The following CELF2 variants were observed in gnomAD, a reference collection of about 807,000 sequenced individuals.
The protein encoded by CELF2 is CUGBP Elav-like family member 2, also known as CUG triplet repeat RNA-binding protein 2.
In CELF2, 8 loss-of-function variants were observed where a neutral mutation model predicts 62.6. The observed-to-expected ratio is 0.13, with a 90% CI of 0.07 to 0.23. CELF2 has a LOEUF of 0.23. Ranked by LOEUF, CELF2 falls within the 10% of genes least tolerant of loss-of-function variation. CELF2 has a pLI of 1.00. For missense variants in CELF2, 333 were observed against 671.0 expected (o/e 0.50, Z 5.56); for synonymous variants, 258 against 250.0 (o/e 1.03, Z -0.30).
the CELF2 span, among the ~76,000 whole-genome samples, chr10:10,662,129 G>A: frequency 3.3e-5 from 5 of 152,228 alleles, no homozygotes; most frequent in African/African-American, 7.2e-5. Context: ...GGGAGCACCC[G>A]CCTGGTAAAA....
intron 2 of CELF2, chr10:10,925,136 CAT>C (rs1365592580): frequency 1.3e-5 from 2 of 152,168 alleles, no homozygotes; most frequent in Non-Finnish European, 1.5e-5. Context: ...TGATAGGAAA[CAT>C]AACCTCCTAT....
intron 1 of CELF2, among the ~76,000 whole-genome samples, chr10:10,817,077 G>A (rs1006943910): frequency 2.2e-4 from 33 of 152,172 alleles, no homozygotes; most frequent in Admixed American, 1.8e-3. Flanking sequence ...GGCAGTGGAC[G>A]GTGGGAGAGT....
the CELF2 span, among the ~76,000 whole-genome samples, chr10:10,734,416 T>A: frequency 2.0e-5 from 3 of 152,216 alleles, no homozygotes; most frequent in African/African-American, 7.2e-5. Context: ...TCCATACACA[T>A]CTGGTGCTGG....
At position 11,257,862 on chromosome 10, in the gene CELF2, G is replaced by C; in HGVS notation, c.528G>C (p.Gly176=). ...GCCGGATCCTCCGGGGACCTGATGG[G>C]CTGAGTCGAGGTGAGTGTGCTGTCT... ...EECRILRGPD[G]LSRGCAFVTF... The change falls in exon 5 of 13, where the codon GGG becomes GGC. Residue 176 remains glycine, a synonymous_variant. Coordinates refer to ENST00000633077, the MANE Select transcript of CELF2 (RefSeq NM_001326342.2). 1 of 1,614,172 alleles carries C rather than the reference G, an allele frequency of 6.2e-7. No individual in the cohort carries two copies. The highest frequency in any genetic ancestry group is 8.5e-7 in the Non-Finnish European group (1 of 1,180,032).
chr10:10,988,368 C>T (rs2053050093), intron 2 of CELF2, among the ~76,000 whole-genome samples: 1 of 151,630 alleles, frequency 6.6e-6, no homozygotes, highest in African/African-American at 2.4e-5. Context: ...TTTACAGCAA[C>T]TTGGTTGGAG....
At chr10:10,543,771 C>T in the CELF2 span, among the ~76,000 whole-genome samples, 2 of 151,942 alleles carry the variant, frequency 1.3e-5, no homozygotes, top group Non-Finnish European at 2.9e-5. Context: ...ACAACAACAA[C>T]AACAACAACA....
At chr10:10,552,758 G>A in the CELF2 span, among the ~76,000 whole-genome samples, 1 of 152,170 alleles carries the variant, frequency 6.6e-6, no homozygotes, top group African/African-American at 2.4e-5. Flanking sequence ...GATGTTGTTC[G>A]TTCTTTAATT....
chr10:11,310,919 A>C (rs1010892037), intron 9 of CELF2, among the ~76,000 whole-genome samples: 6 of 152,204 alleles, frequency 3.9e-5, no homozygotes, highest in Non-Finnish European at 7.3e-5. Context: ...GATTAAGTGA[A>C]AGAGGAAACT....
chr10:11,205,777 C>T (rs971568552), intron 2 of CELF2, among the ~76,000 whole-genome samples: 8 of 152,210 alleles, frequency 5.3e-5, no homozygotes, highest in Non-Finnish European at 7.3e-5. Flanking sequence ...ATATCTCTGT[C>T]TCTGATCTCC....
the CELF2 span, among the ~76,000 whole-genome samples, chr10:10,489,543 G>A: frequency 1.3e-5 from 2 of 152,104 alleles, no homozygotes; most frequent in Non-Finnish European, 2.9e-5. Context: ...AACTCAGTGA[G>A]TATACGGTGT....
rs2047832557 is a variant in CELF2, at chr10:10,947,569, T to G, written c.89+27570T>G. 6.6e-6 allele frequency: 1 copy of G among 152,658 alleles called. No individual in the cohort carries two copies. Among genetic ancestry groups the G allele is most frequent in the Admixed American group, 6.5e-5 (1 of 15,284 alleles). 9.5% of individuals were successfully genotyped at this position (152,658 alleles called of 1,614,324 possible). ...TTGTGTTGAATTCCTAACAAGCATA[T>G]GAAAGAGGAAATCAGTGTCCTATTG... On this transcript the variant is annotated intron_variant, in intron 2 of 13. Coordinates refer to the CELF2 transcript ENST00000636488. This position sits in a 1 kb window ranked among gnomAD's most constrained non-coding sequence, Gnocchi z 4.1.
At chr10:10,750,152 C>T in the CELF2 span, among the ~76,000 whole-genome samples, 156 of 152,232 alleles carry the variant, frequency 1.0e-3, 1 homozygote, top group Admixed American at 5.9e-3. Context: ...GGTGATGGCA[C>T]GTGCCTATAA....
intron 1 of CELF2, among the ~76,000 whole-genome samples, chr10:11,099,528 A>T (rs2050856665): frequency 6.6e-6 from 1 of 152,104 alleles, no homozygotes; most frequent in South Asian, 2.1e-4. Context: ...GAGATGGATT[A>T]AAAAGGGGAC....
intron 2 of CELF2, among the ~76,000 whole-genome samples, chr10:10,962,946 G>T (rs1311952861): frequency 3.3e-5 from 5 of 152,114 alleles, no homozygotes; most frequent in African/African-American, 1.2e-4. Flanking sequence ...CATCAAACGT[G>T]CAATGCCATC....
chr10:11,262,949 T>C (rs2081151576), intron 5 of CELF2, among the ~76,000 whole-genome samples: 1 of 132,644 alleles, frequency 7.5e-6, no homozygotes, highest in African/African-American at 2.8e-5. Flanking sequence ...ACTTTTTTTT[T>C]TTTTTTTTTT....
rs571321714 is a variant in CELF2 at position 11,113,074 on chromosome 10, G to A, written c.75-52412G>A. Among the ~76,000 whole-genome samples, 265 of 152,324 alleles carry A rather than the reference G, an allele frequency of 1.7e-3. 4 individuals are homozygous for A. The highest frequency in any genetic ancestry group is 9.7e-3 in the South Asian group (47 of 4,830). ...TGTGTCCTGACTTCAGCAACACTGG[G>A]TCTTACTACCAGTATTGGGAAAGCC... On this transcript the variant is annotated intron_variant, in intron 1 of 12. Coordinates refer to ENST00000633077, the MANE Select transcript of CELF2 (RefSeq NM_001326342.2).
chr10:11,185,672 C>G (rs866838514), intron 2 of CELF2, among the ~76,000 whole-genome samples: 2 of 152,178 alleles, frequency 1.3e-5, no homozygotes, highest in Non-Finnish European at 1.5e-5. Flanking sequence ...CCTCAGCCTC[C>G]CAAAGTACTG....
chr10:10,655,214 A>C, the CELF2 span, among the ~76,000 whole-genome samples: 2 of 144,104 alleles, frequency 1.4e-5, no homozygotes, highest in Non-Finnish European at 3.1e-5. Flanking sequence ...TCAATGAAAT[A>C]AAAGAGGATA....
rs145893019 is a variant in CELF2, at chr10:11,189,466, G to A, written c.271+23784G>A. On this transcript the variant is annotated intron_variant, in intron 2 of 12. Coordinates refer to ENST00000633077, the MANE Select transcript of CELF2 (RefSeq NM_001326342.2). ...ATAATGTAATCGTTGATAAAATTTG[G>A]TTTAGGTCTCTAATCTCACTGAGGG... is the stretch of plus-strand genomic sequence containing the variant. Among the ~76,000 whole-genome samples the A allele has an allele frequency of 2.4e-3, 368 of 152,238 alleles. 3 individuals are homozygous for A. The highest frequency in any genetic ancestry group is 6.8e-3 in the Middle Eastern group (2 of 294).
Sources: allele counts gnomAD v4.1 joint callset (sites outside exome capture counted in the v4.1 genomes callset), GRCh38; gene constraint gnomAD v4.1.1; non-coding constraint Gnocchi (gnomAD v3.1); transcripts MANE v1.5; gene names NCBI Gene and HGNC (gene_info 2026-07-23, HGNC 2026-07-21).